Variants in CACNA2D3 observed in about 807,000 individuals in gnomAD.
CACNA2D3 encodes voltage-dependent calcium channel subunit alpha-2/delta-3.
Under a neutral mutation model 160.6 loss-of-function variants are expected in CACNA2D3, and 60 were observed. The ratio of observed to expected loss-of-function variants is 0.37; its 90% CI spans 0.30 to 0.46. The LOEUF (loss-of-function observed/expected upper bound fraction) is 0.46, where lower values mean the gene tolerates loss of function less well. Among genes scored for constraint, CACNA2D3 ranks in the 20% least tolerant of loss-of-function variants. The pLI, the probability that CACNA2D3 is intolerant of heterozygous loss-of-function variation, is 1.00. For synonymous variants in CACNA2D3, 558 were observed against 492.9 expected (o/e 1.13, Z -1.75); for missense variants, 1,205 against 1,365.0 (o/e 0.88, Z 1.85).
At chr3:54,729,819 G>T (rs1356715019) in intron 11 of CACNA2D3, among the ~76,000 whole-genome samples, 1 of 151,996 alleles carries the variant, frequency 6.6e-6, no homozygotes, top group Non-Finnish European at 1.5e-5. Flanking sequence ...CTAACATGTT[G>T]AAACCCCATC....
intron 2 of CACNA2D3, among the ~76,000 whole-genome samples, chr3:54,319,990 CGCT>C (rs1703952491): frequency 2.0e-5 from 3 of 152,108 alleles, no homozygotes; most frequent in African/African-American, 7.2e-5. Flanking sequence ...ACATAGACAA[CGCT>C]GTTGGAAAAA....
At chr3:54,705,760 A>C (rs1041139568) in intron 11 of CACNA2D3, among the ~76,000 whole-genome samples, 1 of 152,196 alleles carries the variant, frequency 6.6e-6, no homozygotes, top group African/African-American at 2.4e-5. Flanking sequence ...GAAGAGTATA[A>C]GTTGCTTCAA....
chr3:54,567,943 G>A (rs928749762), intron 6 of CACNA2D3, among the ~76,000 whole-genome samples: 2 of 152,222 alleles, frequency 1.3e-5, no homozygotes, highest in African/African-American at 4.8e-5. Flanking sequence ...GGAGAGAAAA[G>A]GAGAACATGG....
chr3:55,024,114 G>A (rs985402147), intron 35 of CACNA2D3, among the ~76,000 whole-genome samples: 3 of 134,434 alleles, frequency 2.2e-5, no homozygotes, highest in Non-Finnish European at 4.7e-5. Context: ...TGAAGTGTAC[G>A]GTTCATGCAG....
At chr3:54,554,515 G>A (rs142061925) in intron 5 of CACNA2D3, among the ~76,000 whole-genome samples, 100 of 152,326 alleles carry the variant, frequency 6.6e-4, no homozygotes, top group African/African-American at 2.2e-3. Context: ...CGGGTGGGGA[G>A]TTGGAGGCTT....
At chr3:54,365,733 C>T (rs1331906040) in intron 3 of CACNA2D3, among the ~76,000 whole-genome samples, 1 of 152,132 alleles carries the variant, frequency 6.6e-6, no homozygotes, top group African/African-American at 2.4e-5. Flanking sequence ...CATGGTGGCA[C>T]ATGCCTGTAA....
intron 11 of CACNA2D3, among the ~76,000 whole-genome samples, chr3:54,667,801 G>A (rs554888339): frequency 6.6e-6 from 1 of 151,942 alleles, no homozygotes; most frequent in South Asian, 2.1e-4. Flanking sequence ...TTTTTAAAAA[G>A]CCAGGCATGG....
At chr3:54,359,725 C>T (rs1203233588) in intron 3 of CACNA2D3, among the ~76,000 whole-genome samples, 1 of 152,176 alleles carries the variant, frequency 6.6e-6, no homozygotes, top group African/African-American at 2.4e-5. Flanking sequence ...AAGGAATCTG[C>T]TTAACTTTGT....
At chr3:54,430,450 T>G (rs1699972260) in intron 4 of CACNA2D3, among the ~76,000 whole-genome samples, 1 of 152,222 alleles carries the variant, frequency 6.6e-6, no homozygotes, top group Admixed American at 6.5e-5. Flanking sequence ...TTGGCTTTTG[T>G]GATTTATAAC....
intron 11 of CACNA2D3, among the ~76,000 whole-genome samples, chr3:54,736,374 A>G (rs1701532777): frequency 6.6e-6 from 1 of 151,910 alleles, no homozygotes; most frequent in Admixed American, 6.6e-5. Flanking sequence ...ACAGTACTGC[A>G]ACATAAATTC....
intron 13 of CACNA2D3, among the ~76,000 whole-genome samples, chr3:54,786,841 A>G (rs1036922970): frequency 1.3e-5 from 2 of 152,158 alleles, no homozygotes; most frequent in African/African-American, 4.8e-5. Context: ...TGCATCTTAC[A>G]TATCTTTGCA....
At chr3:55,059,237 A>G (rs918933167) in intron 35 of CACNA2D3, among the ~76,000 whole-genome samples, 10 of 152,242 alleles carry the variant, frequency 6.6e-5, no homozygotes, top group Non-Finnish European at 1.0e-4. Context: ...TGTGAAAGAC[A>G]GTATAAAAGA....
At chr3:54,810,303 C>T (rs930565594) in intron 13 of CACNA2D3, among the ~76,000 whole-genome samples, 11 of 152,172 alleles carry the variant, frequency 7.2e-5, no homozygotes, top group South Asian at 4.1e-4. Context: ...AGATGAGCAG[C>T]AGTGGTGGCA....
chr3:54,289,299 C>T (rs1559910331), intron 2 of CACNA2D3, among the ~76,000 whole-genome samples: 1 of 151,942 alleles, frequency 6.6e-6, no homozygotes, highest in African/African-American at 2.4e-5. Flanking sequence ...AGTGAACTCC[C>T]ATTCACAATT....
At chr3:54,573,743 A>G (rs2106726012) in intron 8 of CACNA2D3, among the ~76,000 whole-genome samples, 1 of 152,332 alleles carries the variant, frequency 6.6e-6, no homozygotes, top group East Asian at 1.9e-4. Context: ...ACAGTTACCA[A>G]CAGTTTGAGG....
At chr3:54,640,151 T>C (rs975936300) in intron 10 of CACNA2D3, among the ~76,000 whole-genome samples, 17 of 152,216 alleles carry the variant, frequency 1.1e-4, no homozygotes, top group African/African-American at 4.1e-4. Flanking sequence ...TCTGGGCGTG[T>C]ACGTGCATGT....
At chr3:55,065,217 T>C (rs1704607771) in intron 35 of CACNA2D3, among the ~76,000 whole-genome samples, 1 of 152,322 alleles carries the variant, frequency 6.6e-6, no homozygotes, top group East Asian at 1.9e-4. Context: ...TGTTTTCCCA[T>C]GCTGTATAGG....
At chr3:54,379,254 CAGA>C (rs1699060656) in intron 3 of CACNA2D3, among the ~76,000 whole-genome samples, 1 of 152,158 alleles carries the variant, frequency 6.6e-6, no homozygotes, top group South Asian at 2.1e-4. Context: ...AGCTTTCAGG[CAGA>C]AGGTCATTTT....
intron 27 of CACNA2D3, among the ~76,000 whole-genome samples, chr3:54,948,244 G>GC (rs1432755603): frequency 6.6e-6 from 1 of 152,162 alleles, no homozygotes; most frequent in Non-Finnish European, 1.5e-5. Flanking sequence ...TGTGATGTGA[G>GC]CCCAAGGTCC....
Sources: allele counts gnomAD v4.1 joint callset (sites outside exome capture counted in the v4.1 genomes callset), GRCh38; gene constraint gnomAD v4.1.1; transcripts MANE v1.5; gene names NCBI Gene and HGNC (gene_info 2026-07-23, HGNC 2026-07-21).